RETREG1: variants seen among roughly 807,000 people sequenced by gnomAD.
RETREG1 encodes reticulophagy regulator 1.
A neutral mutation model predicts 54.8 loss-of-function variants in RETREG1; 44 were observed. The ratio of observed to expected loss-of-function variants is 0.80; its 90% CI spans 0.63 to 1.03. The LOEUF (loss-of-function observed/expected upper bound fraction) is 1.03. Ranked by LOEUF, RETREG1 falls within the 50% of genes least tolerant of loss-of-function variation. The pLI, the probability that RETREG1 is intolerant of heterozygous loss-of-function variation, is 0.00. For missense variants in RETREG1, 554 were observed against 605.1 expected, an observed-to-expected ratio of 0.92 and a Z score of 0.89; for synonymous variants, 217 against 238.5, an observed-to-expected ratio of 0.91 and a Z score of 0.83.
At chr5:16,553,842 T>C (rs945675952) in intron 3 of RETREG1, among the ~76,000 whole-genome samples, 2 of 152,128 alleles carry the variant, frequency 1.3e-5, no homozygotes, top group African/African-American at 2.4e-5. Flanking sequence ...AAGGAACATA[T>C]ACAGGTAGGC....
intron 5 of RETREG1, among the ~76,000 whole-genome samples, chr5:16,479,865 T>C (rs905970777): frequency 3.3e-5 from 5 of 151,976 alleles, no homozygotes; most frequent in Admixed American, 3.3e-4. Context: ...AATTGGAAAA[T>C]ATGGGGGTAT....
At chr5:16,497,021 G>A (rs1739491071) in intron 3 of RETREG1, among the ~76,000 whole-genome samples, 1 of 152,174 alleles carries the variant, frequency 6.6e-6, no homozygotes, top group Admixed American at 6.5e-5. Context: ...TCAGACACAT[G>A]GCTATACAAA....
At chr5:16,486,215 T>C (rs1280980663) in intron 3 of RETREG1, among the ~76,000 whole-genome samples, 1 of 152,144 alleles carries the variant, frequency 6.6e-6, no homozygotes, top group Non-Finnish European at 1.5e-5. Flanking sequence ...GTGTTTGAGA[T>C]TAAAAATAAA....
chr5:16,520,690 G>T (rs928186299), intron 3 of RETREG1, among the ~76,000 whole-genome samples: 2 of 152,158 alleles, frequency 1.3e-5, no homozygotes, highest in African/African-American at 4.8e-5. Flanking sequence ...TGTAATTGTG[G>T]TTTTTGCAGT....
chr5:16,507,591 G>A (rs1740007428), intron 3 of RETREG1, among the ~76,000 whole-genome samples: 1 of 152,124 alleles, frequency 6.6e-6, no homozygotes, highest in Admixed American at 6.6e-5. Context: ...TAATGTTGAT[G>A]TACTAGGAAG....
intron 3 of RETREG1, among the ~76,000 whole-genome samples, chr5:16,551,218 A>G (rs538008350): frequency 6.6e-6 from 1 of 152,072 alleles, no homozygotes; most frequent in Non-Finnish European, 1.5e-5. Context: ...CCATTTTCTC[A>G]GCCCTCATCT....
At chr5:16,608,113 C>T (rs1451234746) in intron 1 of RETREG1, among the ~76,000 whole-genome samples, 1 of 152,148 alleles carries the variant, frequency 6.6e-6, no homozygotes, top group Non-Finnish European at 1.5e-5. Context: ...CTCCTGACCT[C>T]AGGTGATATG....
rs545018604 is a variant in RETREG1 at position 16,539,575 on chromosome 5, C to T, written c.458+26188G>A. Among the ~76,000 whole-genome samples, 18 of 152,294 alleles carry T rather than the reference C, an allele frequency of 1.2e-4. No homozygotes were observed. In the South Asian group the frequency reaches 3.5e-3, roughly 30 times the overall value. ...CTCCTCCTGCTCGGCACTCTCCTCC[C>T]GCCCAGCTCCCTGCACAAGCTGTCC... On this transcript the variant is annotated intron_variant, in intron 3 of 8. Coordinates refer to ENST00000306320, the MANE Select transcript of RETREG1 (RefSeq NM_001034850.3).
intron 3 of RETREG1, among the ~76,000 whole-genome samples, chr5:16,487,321 T>G (rs1739057577): frequency 6.6e-6 from 1 of 152,208 alleles, no homozygotes; most frequent in Non-Finnish European, 1.5e-5. Context: ...TGGTTCATCT[T>G]TCTATCCATC....
At chr5:16,576,423 G>C (rs780848508) in intron 1 of RETREG1, among the ~76,000 whole-genome samples, 1 of 151,754 alleles carries the variant, frequency 6.6e-6, no homozygotes, top group Non-Finnish European at 1.5e-5. Context: ...CTCCTGAGTA[G>C]CTGAGACTAC....
intron 1 of RETREG1, among the ~76,000 whole-genome samples, chr5:16,584,724 C>T (rs1328686782): frequency 6.6e-6 from 1 of 152,066 alleles, no homozygotes; most frequent in Non-Finnish European, 1.5e-5. Flanking sequence ...ACTGAAGATG[C>T]TGTGTGAAAT....
chr5:16,483,737 G>A (rs900810869), intron 3 of RETREG1, among the ~76,000 whole-genome samples: 2 of 152,080 alleles, frequency 1.3e-5, no homozygotes, highest in Admixed American at 6.6e-5. Context: ...CTTTAATGAA[G>A]AGTCATTTTA....
intron 3 of RETREG1, among the ~76,000 whole-genome samples, chr5:16,484,176 G>A (rs763980076): frequency 4.6e-5 from 7 of 151,866 alleles, no homozygotes; most frequent in African/African-American, 1.2e-4. Context: ...TGCATGGGCC[G>A]GCAACCAGCT....
rs1554022467 is a variant in RETREG1, at chr5:16,565,764, T to C, written c.457A>G (p.Ser153Gly). ...GAQLWRSLSE[S>G]WEVINSKPDE... ...CAACACGGAAAGAAAGTTCCCTACC[T>C]TTCACTGAGGCTTCTCCACAACTGT... The change falls in exon 3 of 9, where the codon AGC becomes GGC. Residue 153 changes from serine (S) to glycine (G), a missense_variant and splice_region_variant. Physicochemically the swap from Ser to Gly is moderately conservative, Grantham distance 56. Around this residue, in one of 4 missense-constraint regions of RETREG1, gnomAD observed 347 missense variants for 412.3 expected, o/e 0.84. Coordinates refer to ENST00000306320, the MANE Select transcript of RETREG1 (RefSeq NM_001034850.3). The C allele has an allele frequency of 6.2e-7, 1 of 1,613,892 alleles. No individual in the cohort carries two copies. The highest frequency in any genetic ancestry group is 8.5e-7 in the Non-Finnish European group (1 of 1,179,878).
In RETREG1 at chr5:16,545,403, T is replaced by A. The variant is rs941712367; in HGVS notation, c.458+20360A>T. On this transcript the variant is annotated intron_variant, in intron 3 of 8. Coordinates refer to ENST00000306320, the MANE Select transcript of RETREG1 (RefSeq NM_001034850.3). ...GGGAGAGAGGCAGGAGTGAAACCCA[T>A]CAGTCTGGCCAAGTCCCTTAAGGAA... 3.9e-5 allele frequency among the ~76,000 whole-genome samples: 6 copies of A among 152,048 alleles called. No individual in the cohort carries two copies. The South Asian group carries it at 1.2e-3, about 32-fold the overall frequency.
chr5:16,606,771 C>T (rs2126368905), intron 1 of RETREG1, among the ~76,000 whole-genome samples: 1 of 152,320 alleles, frequency 6.6e-6, no homozygotes, highest in South Asian at 2.1e-4. Context: ...CCACCATGTG[C>T]TCCTGCAATG....
chr5:16,512,959 A>C (rs1017310758), intron 3 of RETREG1, among the ~76,000 whole-genome samples: 4 of 151,750 alleles, frequency 2.6e-5, no homozygotes, highest in African/African-American at 9.7e-5. Flanking sequence ...GCCAGGGCCC[A>C]CTGTGCCCAT....
Position 16,481,032 on chromosome 5 carries a change from C to T in RETREG1, c.647G>A (p.Gly216Glu). 6.2e-7 allele frequency: 1 copy of T among 1,611,584 alleles called. No individual in the cohort carries two copies. Residue 216 changes from glycine (G) to glutamate (E), a missense_variant, in exon 5 of 9, where the codon GGG becomes GAG. Coordinates refer to ENST00000306320, the MANE Select transcript of RETREG1 (RefSeq NM_001034850.3). The stretch of plus-strand genomic sequence containing the variant: ...ACACAGTAGATAGCTGAGTATAACC[C>T]CAGGAATGTAACTTCCCAAGATCGT... ...FFTILGSYIP[G>E]VILSYLLLLC...
rs548618713 is a variant in RETREG1 at position 16,570,421 on chromosome 5, C to T, written c.427+1575G>A. Among the ~76,000 whole-genome samples, 3 of 152,328 alleles carry T rather than the reference C, an allele frequency of 2.0e-5. No homozygotes were observed. The East Asian group carries it at 5.8e-4, about 29-fold the overall frequency. Reference sequence around the variant, plus strand: ...TCAGCTTTGCCTTTGGCCTTCCACACATGTCTATTCCTTATAACTTGTGCC... The same window carrying T: ...TCAGCTTTGCCTTTGGCCTTCCACATATGTCTATTCCTTATAACTTGTGCC... On this transcript the variant is annotated intron_variant, in intron 2 of 8. Transcript: ENST00000306320.
Sources: gnomAD v4.1 joint callset for allele counts (sites outside exome capture counted in the v4.1 genomes callset) on GRCh38, gnomAD v4.1.1 for gene constraint, gnomAD v4.1.1 regional missense constraint, MANE v1.5 for transcripts, NCBI Gene and HGNC (gene_info 2026-07-23, HGNC 2026-07-21) for gene names.